Variants in HEATR4 observed in about 807,000 individuals in gnomAD.
HEATR4 encodes HEAT repeat containing 4.
In HEATR4, 95 loss-of-function variants were observed where a neutral mutation model predicts 108.8. The ratio of observed to expected loss-of-function variants is 0.87; its 90% CI spans 0.74 to 1.04. The LOEUF is 1.04. HEATR4 is among the 50% of genes least tolerant of loss of function. The pLI, the probability that HEATR4 is intolerant of heterozygous loss-of-function variation, is 0.00. For missense variants in HEATR4, 1,152 were observed against 1,253.8 expected (o/e 0.92, Z 1.23); for synonymous variants, 443 against 459.4 (o/e 0.96, Z 0.46).
At position 73,519,152 on chromosome 14, in the gene HEATR4, T is replaced by C. The variant is rs1185352895; in HGVS notation, c.1081A>G (p.Ile361Val). 9 of 1,612,850 alleles carry C rather than the reference T, an allele frequency of 5.6e-6. No homozygotes were observed. Among genetic ancestry groups the C allele is most frequent in the Non-Finnish European group, 7.6e-6 (9 of 1,179,468 alleles). Reference sequence around the variant, plus strand: ...CTCTTTGCACCAATCTGGTGGATGATCTGGACTTCATCTGTGAACAGACAA... The same window carrying C: ...CTCTTTGCACCAATCTGGTGGATGACCTGGACTTCATCTGTGAACAGACAA... ...EQEIYFDEVQIIHQIGAKRDQ... is the reference protein window; with the variant it reads ...EQEIYFDEVQVIHQIGAKRDQ... The change falls in exon 5 of 18, where the codon ATC becomes GTC. Residue 361 changes from isoleucine (I) to valine (V), a missense_variant. Physicochemically the swap from Ile to Val is conservative, Grantham distance 29. Transcript: ENST00000553558.
At chr14:73,511,115 T>A (rs1887223513) in intron 7 of HEATR4, among the ~76,000 whole-genome samples, 1 of 152,222 alleles carries the variant, frequency 6.6e-6, no homozygotes, top group Non-Finnish European at 1.5e-5. Flanking sequence ...AAAGGTTTGT[T>A]ATCCCTTTGT....
chr14:73,573,125 T>G, the HEATR4 span, among the ~76,000 whole-genome samples: 1 of 151,930 alleles, frequency 6.6e-6, no homozygotes, highest in Non-Finnish European at 1.5e-5. Flanking sequence ...GTCTTTCTTT[T>G]TGTTTCTTGG....
At chr14:73,570,903 TAAAAAA>T in the HEATR4 span, among the ~76,000 whole-genome samples, 57 of 137,474 alleles carry the variant, frequency 4.1e-4, 1 homozygote, top group South Asian at 0.012. Flanking sequence ...GACTCTATCT[TAAAAAA>T]AAAAAAAAAA....
At chr14:73,574,558 C>T in the HEATR4 span, among the ~76,000 whole-genome samples, 2 of 152,068 alleles carry the variant, frequency 1.3e-5, no homozygotes, top group South Asian at 2.1e-4. Flanking sequence ...CCACCACTCC[C>T]GGCCATGAGA....
At chr14:73,586,764 G>A in the HEATR4 span, among the ~76,000 whole-genome samples, 2 of 151,270 alleles carry the variant, frequency 1.3e-5, no homozygotes, top group Non-Finnish European at 2.9e-5. Context: ...GAGCTGGAGT[G>A]CATTGGTGTG....
At chr14:73,532,111 AAG>A (rs1256234723) in intron 1 of HEATR4, among the ~76,000 whole-genome samples, 1 of 115,946 alleles carries the variant, frequency 8.6e-6, no homozygotes, top group Non-Finnish European at 1.9e-5. Flanking sequence ...AATCCTGAGA[AAG>A]AGGCAAAGCA....
the HEATR4 span, among the ~76,000 whole-genome samples, chr14:73,605,558 T>C: frequency 2.0e-4 from 9 of 45,384 alleles, no homozygotes; most frequent in East Asian, 8.1e-4. Context: ...GTAAGATTCT[T>C]TTTTTTTTTT....
At chr14:73,589,305 T>C in the HEATR4 span, among the ~76,000 whole-genome samples, 3 of 140,276 alleles carry the variant, frequency 2.1e-5, no homozygotes, top group Non-Finnish European at 4.4e-5. Flanking sequence ...TCTCTCTTCC[T>C]TCCCTTTTTT....
At chr14:73,563,648 C>T (rs2140325945), upstream of HEATR4, among the ~76,000 whole-genome samples, 1 of 151,780 alleles carries the variant, frequency 6.6e-6, no homozygotes, top group South Asian at 2.1e-4. Flanking sequence ...TACTTAATAT[C>T]ATTGATTTGT....
chr14:73,516,641 C>A (rs1487881941), intron 5 of HEATR4, among the ~76,000 whole-genome samples: 1 of 152,180 alleles, frequency 6.6e-6, no homozygotes, highest in South Asian at 2.1e-4. Context: ...GGGTCCCTAA[C>A]CCCCAGGCCA....
the HEATR4 span, among the ~76,000 whole-genome samples, chr14:73,597,379 C>T: frequency 1.3e-5 from 2 of 151,358 alleles, no homozygotes; most frequent in African/African-American, 4.9e-5. Context: ...CCACCATGCC[C>T]GGCCATTATT....
chr14:73,565,530 CGG>C, the HEATR4 span, among the ~76,000 whole-genome samples: 1 of 151,888 alleles, frequency 6.6e-6, no homozygotes, highest in Non-Finnish European at 1.5e-5. Flanking sequence ...TGGACCCTCA[CGG>C]GAGCATTACA....
Position 73,532,751 on chromosome 14 carries a change from G to T in HEATR4, c.-151-2507C>A, listed in dbSNP as rs556138136. Among the ~76,000 whole-genome samples, 19 of 114,310 alleles carry T rather than the reference G, an allele frequency of 1.7e-4. 4 individuals are homozygous for T. The Middle Eastern group carries it at 0.014, about 84-fold the overall frequency. The allele number at this position is 114,310 out of a possible 152,430, so 75.0% of individuals were successfully genotyped here. ...GGGCAGATCACAAGGTCAGGAGATTGAAACCATCCTAGCTAACACAGTAAA... is the reference window on the plus strand; with the variant it reads ...GGGCAGATCACAAGGTCAGGAGATTTAAACCATCCTAGCTAACACAGTAAA... On this transcript the variant is annotated intron_variant, in intron 1 of 17. Coordinates refer to ENST00000553558, the MANE Select transcript of HEATR4 (RefSeq NM_001220484.1).
At chr14:73,531,230 C>G (rs1339705110) in intron 1 of HEATR4, 1 of 112,464 alleles carries the variant, frequency 8.9e-6, no homozygotes, top group African/African-American at 2.9e-5. Context: ...TCTTAGGTTC[C>G]AAAGCTGTTT....
At chr14:73,575,574 T>C in the HEATR4 span, 1 of 1,549,050 alleles carries the variant, frequency 6.5e-7, no homozygotes. Context: ...CTGCCACATT[T>C]AGTGTGTGTA....
rs1889381422 is a variant in HEATR4 at position 73,555,598 on chromosome 14, A to T, written c.-152+3153T>A. Among the ~76,000 whole-genome samples the T allele has an allele frequency of 3.5e-5, 4 of 115,662 alleles. No homozygotes were observed. In the South Asian group the frequency reaches 1.1e-3, roughly 32 times the overall value. The allele number at this position is 115,662 out of a possible 152,430, so 75.9% of individuals were successfully genotyped here. On this transcript the variant is annotated intron_variant, in intron 1 of 17. Transcript: ENST00000553558. ...TGCATATTCTTCTAAAACATTTTAC[A>T]TTCCTAACACATCAGTGTGTCCACA...
chr14:73,564,635 A>G, the HEATR4 span, among the ~76,000 whole-genome samples: 3 of 151,480 alleles, frequency 2.0e-5, no homozygotes, highest in Admixed American at 6.6e-5. Context: ...ATAAACAAAT[A>G]CTATGCATAA....
chr14:73,575,106 G>A, the HEATR4 span: 1 of 1,378,482 alleles, frequency 7.3e-7, no homozygotes, highest in Non-Finnish European at 1.0e-6. Context: ...GGTGACCAAA[G>A]ATGGCTATGC....
At chr14:73,609,415 G>A in the HEATR4 span, among the ~76,000 whole-genome samples, 1 of 152,096 alleles carries the variant, frequency 6.6e-6, no homozygotes, top group South Asian at 2.1e-4. Flanking sequence ...AACATCATTG[G>A]GCCAGTAGTC....
Sources: allele counts gnomAD v4.1 joint callset (sites outside exome capture counted in the v4.1 genomes callset), GRCh38; gene constraint gnomAD v4.1.1; transcripts MANE v1.5; gene names NCBI Gene and HGNC (gene_info 2026-07-23, HGNC 2026-07-21).